CADM1: variants seen among roughly 807,000 people sequenced by gnomAD.
CADM1 encodes the protein cell adhesion molecule 1.
CADM1 carries 15 observed loss-of-function variants against 53.1 expected under a neutral mutation model. The observed-to-expected ratio is 0.28, with a 90% CI of 0.19 to 0.44. CADM1 has a LOEUF of 0.44. Among genes scored for constraint, CADM1 ranks in the 20% least tolerant of loss-of-function variants. The probability of loss-of-function intolerance (pLI) is 1.00; values close to 1 mark genes in which losing one functional copy is unlikely to be tolerated. For missense variants in CADM1, 434 were observed against 611.3 expected (o/e 0.71, Z 3.06); for synonymous variants, 281 against 243.0 (o/e 1.16, Z -1.45).
At chr11:115,293,981 ATATCT>A (rs1943979304) in intron 1 of CADM1, among the ~76,000 whole-genome samples, 1 of 152,212 alleles carries the variant, frequency 6.6e-6, no homozygotes, top group Admixed American at 6.5e-5. Flanking sequence ...TTAAAACAAC[ATATCT>A]TAAGTTATTT....
chr11:115,268,779 C>A (rs865839654), intron 1 of CADM1, among the ~76,000 whole-genome samples: 2 of 152,328 alleles, frequency 1.3e-5, no homozygotes, highest in Middle Eastern at 3.4e-3. Context: ...CGTTCCTGAG[C>A]CCCTCTTTAG....
intron 9 of CADM1, among the ~76,000 whole-genome samples, chr11:115,196,415 A>G (rs1229332261): frequency 1.3e-5 from 2 of 152,254 alleles, no homozygotes; most frequent in Admixed American, 1.3e-4. Flanking sequence ...CCTAGAAAAT[A>G]GAATTCTGGA....
chr11:115,175,183 G>A lies in CADM1; in HGVS notation c.*1291C>T, dbSNP rs1281229048. ...TTCCACCTCTGCTCTGACCTATCGA[G>A]AACTGAGAGCGACAGCAGACCAGTG... is the stretch of plus-strand genomic sequence containing the variant. On this transcript the variant is annotated 3_prime_UTR_variant, in exon 12 of 12. Coordinates refer to ENST00000331581, the MANE Select transcript of CADM1 (RefSeq NM_001301043.2). 2.0e-6 allele frequency: 2 copies of A among 985,640 alleles called. No homozygotes were observed. The highest frequency in any genetic ancestry group is 1.2e-4 in the Admixed American group (2 of 16,260). 61.1% of individuals were successfully genotyped at this position (985,640 alleles called of 1,614,324 possible).
At chr11:115,386,877 T>C (rs1388456896) in intron 1 of CADM1, among the ~76,000 whole-genome samples, 1 of 152,210 alleles carries the variant, frequency 6.6e-6, no homozygotes, top group Non-Finnish European at 1.5e-5. Flanking sequence ...ATATACCCAC[T>C]ATTCAAAGAT....
intron 1 of CADM1, among the ~76,000 whole-genome samples, chr11:115,458,425 C>A (rs1017411616): frequency 6.6e-6 from 1 of 151,502 alleles, no homozygotes; most frequent in African/African-American, 2.4e-5. Context: ...TTAGATAAGA[C>A]AATAAATGTA....
chr11:115,295,784 T>C (rs1219555969), intron 1 of CADM1, among the ~76,000 whole-genome samples: 1 of 151,844 alleles, frequency 6.6e-6, no homozygotes, highest in Non-Finnish European at 1.5e-5. Flanking sequence ...CATACTGTTC[T>C]CTCACCATGA....
At chr11:115,453,727 G>A (rs926920797) in intron 1 of CADM1, among the ~76,000 whole-genome samples, 2 of 152,060 alleles carry the variant, frequency 1.3e-5, no homozygotes, top group Non-Finnish European at 1.5e-5. Context: ...TCAAACTCTT[G>A]AGCTCAAGTG....
chr11:115,480,586 G>A (rs1949235953), intron 1 of CADM1, among the ~76,000 whole-genome samples: 1 of 152,186 alleles, frequency 6.6e-6, no homozygotes. Context: ...TCTCTGGGAA[G>A]AGTGACATTT....
intron 1 of CADM1, among the ~76,000 whole-genome samples, chr11:115,417,028 A>C (rs186111142): frequency 4.3e-4 from 65 of 152,308 alleles, no homozygotes; most frequent in African/African-American, 1.3e-3. Context: ...ATGATAATTC[A>C]ATATGGAAGT....
intron 1 of CADM1, among the ~76,000 whole-genome samples, chr11:115,390,136 C>G (rs902876707): frequency 6.6e-6 from 1 of 152,138 alleles, no homozygotes; most frequent in African/African-American, 2.4e-5. Context: ...CCACCTCCCC[C>G]CATGTCACAG....
At chr11:115,261,970 G>A (rs187626175) in intron 1 of CADM1, among the ~76,000 whole-genome samples, 25 of 151,888 alleles carry the variant, frequency 1.6e-4, no homozygotes, top group Middle Eastern at 3.4e-3. Context: ...TAGTAGAGAC[G>A]GGGTTTCACC....
intron 1 of CADM1, among the ~76,000 whole-genome samples, chr11:115,323,381 T>C (rs1211029167): frequency 2.6e-5 from 4 of 152,170 alleles, no homozygotes; most frequent in African/African-American, 9.7e-5. Flanking sequence ...ACTTTTGATG[T>C]TTAAATAAAA....
chr11:115,493,335 A>T lies in CADM1; in HGVS notation c.124+10936T>A, dbSNP rs1045818940. ...GGAAGGCAAGCTCTTCTTTATTCAGAAATGCCTCTACCCAAGTAGAGGAAT... is the reference window on the plus strand; with the variant it reads ...GGAAGGCAAGCTCTTCTTTATTCAGTAATGCCTCTACCCAAGTAGAGGAAT... On this transcript the variant is annotated intron_variant, in intron 1 of 11. Coordinates refer to ENST00000331581, the MANE Select transcript of CADM1 (RefSeq NM_001301043.2). 9.9e-5 allele frequency among the ~76,000 whole-genome samples: 15 copies of T among 151,918 alleles called. No homozygotes were observed. The South Asian group carries it at 1.0e-3, about 11-fold the overall frequency.
chr11:115,413,644 C>CTTTTGTTTTTTTTTTTTTTTTTTT (rs1947513890), intron 1 of CADM1, among the ~76,000 whole-genome samples: 1 of 120,916 alleles, frequency 8.3e-6, no homozygotes, highest in Non-Finnish European at 1.8e-5. Flanking sequence ...CAGCTCAGTT[C>CTTTTGTTTTTTTTTTTTTTTTTTT]TTTTTTTTTT....
chr11:115,323,449 G>C (rs773534311), intron 1 of CADM1, among the ~76,000 whole-genome samples: 2 of 152,106 alleles, frequency 1.3e-5, no homozygotes, highest in Non-Finnish European at 2.9e-5. Context: ...CATGGAAGTG[G>C]GGTGCAGGGA....
At chr11:115,472,275 A>C (rs1318190402) in intron 1 of CADM1, among the ~76,000 whole-genome samples, 3 of 152,212 alleles carry the variant, frequency 2.0e-5, no homozygotes, top group Non-Finnish European at 4.4e-5. Context: ...CAGGGAGGGA[A>C]ATTAAGTTTA....
chr11:115,376,577 G>A (rs1271482247), intron 1 of CADM1, among the ~76,000 whole-genome samples: 1 of 152,090 alleles, frequency 6.6e-6, no homozygotes, highest in Non-Finnish European at 1.5e-5. Flanking sequence ...ATGGTTTCAA[G>A]ATGAAAAAAT....
intron 1 of CADM1, among the ~76,000 whole-genome samples, chr11:115,499,625 A>C (rs1166734039): frequency 6.6e-6 from 1 of 152,268 alleles, no homozygotes; most frequent in Admixed American, 6.5e-5. Flanking sequence ...CAGAAGGTCC[A>C]CTGGCTGGAC....
At chr11:115,452,052 C>T (rs1948583520) in intron 1 of CADM1, among the ~76,000 whole-genome samples, 1 of 151,014 alleles carries the variant, frequency 6.6e-6, no homozygotes, top group Non-Finnish European at 1.5e-5. Flanking sequence ...AAGATATGTC[C>T]TCCCAGGTCT....
Sources: gnomAD v4.1 joint callset for allele counts (sites outside exome capture counted in the v4.1 genomes callset) on GRCh38, gnomAD v4.1.1 for gene constraint, MANE v1.5 for transcripts, NCBI Gene and HGNC (gene_info 2026-07-23, HGNC 2026-07-21) for gene names.